Variants in IL4I1 observed in about 807,000 individuals in gnomAD.
IL4I1 encodes interleukin 4 induced 1.
A neutral mutation model predicts 29.7 loss-of-function variants in IL4I1; 24 were observed. That is an observed-to-expected ratio of 0.81 (90% CI 0.59 to 1.14). IL4I1 has a LOEUF of 1.14. Ranked by LOEUF, IL4I1 falls within the 50% of genes most tolerant of loss-of-function variation. The probability of loss-of-function intolerance (pLI) is 0.00; values close to 1 mark genes in which losing one functional copy is unlikely to be tolerated. For missense variants in IL4I1, 686 were observed against 785.6 expected (o/e 0.87, Z 1.52); for synonymous variants, 371 against 352.5 (o/e 1.05, Z -0.59).
intron 2 of IL4I1, chr19:49,908,857 G>A (rs752614482): frequency 6.2e-6 from 10 of 1,611,742 alleles, no homozygotes; most frequent in African/African-American, 5.3e-5. Flanking sequence ...CTGCAGCTGC[G>A]CCAGGGCCAG....
chr19:49,924,013 TGA>T (rs2075824977), intron 2 of IL4I1, among the ~76,000 whole-genome samples: 1 of 152,094 alleles, frequency 6.6e-6, no homozygotes, highest in South Asian at 2.1e-4. Context: ...GGGAAAGCAG[TGA>T]GGAGTTGCGG....
intron 1 of IL4I1, chr19:49,928,569 T>G (rs1424541759): frequency 6.6e-6 from 1 of 151,726 alleles, no homozygotes; most frequent in Non-Finnish European, 1.5e-5. Flanking sequence ...GCTCTGTGCA[T>G]AAGGCTTGCC....
chr19:49,928,594 T>G (rs549356633), intron 1 of IL4I1: 4 of 152,268 alleles, frequency 2.6e-5, no homozygotes, highest in African/African-American at 9.6e-5. Flanking sequence ...ATCGTCTTAT[T>G]TGAGTCTCAT....
At chr19:49,893,112 G>A (rs1343919975) in intron 5 of IL4I1, among the ~76,000 whole-genome samples, 1 of 152,174 alleles carries the variant, frequency 6.6e-6, no homozygotes, top group Non-Finnish European at 1.5e-5. Context: ...CTGGAGGGGT[G>A]CAGAAGGGAA....
exon 1 of IL4I1, chr19:49,929,380 T>C: frequency 6.5e-6 from 1 of 154,164 alleles, no homozygotes; most frequent in Non-Finnish European, 1.4e-5. Flanking sequence ...CGCCGCCGCC[T>C]CTCCTTGCTG....
chr19:49,904,383 T>C (rs2075297350), intron 2 of IL4I1: 1 of 152,124 alleles, frequency 6.6e-6, no homozygotes, highest in African/African-American at 2.4e-5. Flanking sequence ...AGTCGGTTGC[T>C]GATGCTGCTG....
At chr19:49,905,820 C>G (rs2075314894) in intron 2 of IL4I1, among the ~76,000 whole-genome samples, 2 of 152,110 alleles carry the variant, frequency 1.3e-5, no homozygotes, top group Non-Finnish European at 2.9e-5. Context: ...CCATGCTGGT[C>G]TCGAACTCCT....
intron 2 of IL4I1, chr19:49,909,523 T>C (rs2075407398): frequency 6.2e-7 from 1 of 1,614,058 alleles, no homozygotes; most frequent in East Asian, 2.2e-5. Flanking sequence ...AGTTGAGCTT[T>C]GAAGCACCGA....
At chr19:49,894,178 G>T (rs1187141288) in intron 5 of IL4I1, 90 bp downstream of exon 5, 28 of 1,276,818 alleles carry the variant, frequency 2.2e-5, no homozygotes, top group Non-Finnish European at 3.0e-5. Flanking sequence ...GGGACTGAAG[G>T]GATGCCAGAG....
At chr19:49,914,088 C>T (rs1418368087) in intron 2 of IL4I1, among the ~76,000 whole-genome samples, 1 of 152,166 alleles carries the variant, frequency 6.6e-6, no homozygotes, top group African/African-American at 2.4e-5. Flanking sequence ...ATGGCTCACA[C>T]CTGTAATCCC....
chr19:49,924,045 C>T (rs867505700), intron 2 of IL4I1, among the ~76,000 whole-genome samples: 2 of 152,150 alleles, frequency 1.3e-5, no homozygotes, highest in Non-Finnish European at 2.9e-5. Flanking sequence ...GGCGATGGCA[C>T]GGTGCAGGTG....
intron 2 of IL4I1, chr19:49,909,157 A>G (rs1237355630): frequency 1.2e-6 from 2 of 1,613,246 alleles, no homozygotes; most frequent in Non-Finnish European, 1.7e-6. Flanking sequence ...GGCTGGGCCC[A>G]GTGCTGGTGA....
chr19:49,920,361 G>GT (rs1473831834), intron 2 of IL4I1, among the ~76,000 whole-genome samples: 3 of 152,180 alleles, frequency 2.0e-5, no homozygotes, highest in African/African-American at 7.2e-5. Context: ...GATTACAGGC[G>GT]TGAGCCACCA....
rs150097126 is a variant in IL4I1 at position 49,909,145 on chromosome 19, G to A, written c.-227-4824C>T. The A allele has an allele frequency of 9.3e-5, 150 of 1,613,026 alleles. 1 individual carries two copies. The Middle Eastern group carries it at 9.9e-4, about 11-fold the overall frequency. On this transcript the variant is annotated intron_variant, in intron 2 of 9. Coordinates refer to the IL4I1 transcript ENST00000341114. The stretch of plus-strand genomic sequence containing the variant: ...TTGGAGCAGTTGCTATTGACGCAAA[G>A]AGGCTGGGCCCAGTGCTGGTGATGG...
intron 2 of IL4I1, chr19:49,909,199 TGTGGCACCTGCTGTG>T: frequency 6.2e-7 from 1 of 1,614,030 alleles, no homozygotes; most frequent in Non-Finnish European, 8.5e-7. Context: ...CAGCTGGCTG[TGTGGCACCTGCTGTG>T]GTGGCTGCTG....
Position 49,890,964 on chromosome 19 carries a change from C to A in IL4I1, c.773+7G>T. ...CCCCCCCCCTGCCCGCCAGCCCCGC[C>A]CCTTACTGGAGTCTGTCGCTGAGGC... is the stretch of plus-strand genomic sequence containing the variant. On this transcript the variant is annotated splice_region_variant and intron_variant, in intron 7 of 7. Coordinates refer to ENST00000391826, the MANE Select transcript of IL4I1 (RefSeq NM_152899.2). 1 of 1,513,532 alleles carries A rather than the reference C, an allele frequency of 6.6e-7. No homozygotes were observed. Among genetic ancestry groups the A allele is most frequent in the Non-Finnish European group, 8.9e-7 (1 of 1,127,918 alleles). 93.8% of individuals were successfully genotyped at this position (1,513,532 alleles called of 1,614,324 possible).
Position 49,895,136 on chromosome 19 carries a change from G to A in IL4I1, c.297C>T (p.Phe99=). 1 of 1,613,880 alleles carries A rather than the reference G, an allele frequency of 6.2e-7. No homozygotes were observed. Among genetic ancestry groups the A allele is most frequent in the African/African-American group, 1.3e-5 (1 of 74,988 alleles). The part of the protein sequence containing the change: ...EADNRIGGRI[F]TYRDQNTGWI... Reference sequence around the variant, plus strand: ...AGCCCGTGTTCTGGTCCCGGTAGGTGAAGATGCGGCCCCCGATCCTGTTAT... The same window carrying A: ...AGCCCGTGTTCTGGTCCCGGTAGGTAAAGATGCGGCCCCCGATCCTGTTAT... Residue 99 remains phenylalanine (F), a synonymous_variant, in exon 4 of 8, where the codon TTC becomes TTT. Transcript: ENST00000391826.
At chr19:49,929,172 T>C (rs772636098) in intron 1 of IL4I1, 1 of 144,906 alleles carries the variant, frequency 6.9e-6, no homozygotes, top group African/African-American at 2.5e-5. Flanking sequence ...CGCCACCCAG[T>C]ATATATCTGT....
At chr19:49,912,487 A>G (rs904888510) in intron 2 of IL4I1, among the ~76,000 whole-genome samples, 6 of 152,074 alleles carry the variant, frequency 3.9e-5, no homozygotes, top group African/African-American at 1.4e-4. Flanking sequence ...ACCATTTATT[A>G]AGTGCCACAT....
Sources: gnomAD v4.1 joint callset for allele counts (sites outside exome capture counted in the v4.1 genomes callset) on GRCh38, gnomAD v4.1.1 for gene constraint, MANE v1.5 for transcripts, NCBI Gene and HGNC (gene_info 2026-07-23, HGNC 2026-07-21) for gene names.